SYNPR: variants seen among roughly 807,000 people sequenced by gnomAD.
The protein encoded by SYNPR is synaptoporin.
In SYNPR, 23 loss-of-function variants were observed where a neutral mutation model predicts 32.9. That is an observed-to-expected ratio of 0.70 (90% CI 0.50 to 0.99). The LOEUF is 0.99. Among genes scored for constraint, SYNPR ranks in the 50% least tolerant of loss-of-function variants. SYNPR has a pLI of 0.00. For synonymous variants in SYNPR, 146 were observed against 135.9 expected (o/e 1.07, Z -0.52); for missense variants, 318 against 349.3 (o/e 0.91, Z 0.71).
intron 3 of SYNPR, among the ~76,000 whole-genome samples, chr3:63,521,038 G>C (rs1390501025): frequency 6.6e-6 from 1 of 152,190 alleles, no homozygotes; most frequent in Non-Finnish European, 1.5e-5. Context: ...TAGAAGGAAA[G>C]GGATATGTAG....
chr3:63,273,379 T>C (rs1216479099), upstream of SYNPR, among the ~76,000 whole-genome samples: 4 of 152,170 alleles, frequency 2.6e-5, no homozygotes, highest in African/African-American at 9.7e-5. Context: ...GTAACAGTAG[T>C]ATATACTTAC....
chr3:63,322,298 T>C (rs905729773), intron 2 of SYNPR, among the ~76,000 whole-genome samples: 2 of 152,090 alleles, frequency 1.3e-5, no homozygotes, highest in Non-Finnish European at 2.9e-5. Context: ...CATACACATT[T>C]CAGTGCCACA....
chr3:63,606,417 C>CA (rs765961715), intron 4 of SYNPR, among the ~76,000 whole-genome samples: 1 of 68,300 alleles, frequency 1.5e-5, no homozygotes, highest in Non-Finnish European at 2.9e-5. Context: ...CAAATCCTTT[C>CA]TTTTTTTTTT....
chr3:63,494,203 A>C (rs895298425), intron 3 of SYNPR, among the ~76,000 whole-genome samples: 4 of 151,410 alleles, frequency 2.6e-5, no homozygotes, highest in Admixed American at 6.6e-5. Flanking sequence ...AAAACAAAAA[A>C]CTTGAAAAGA....
In SYNPR at chr3:63,357,319, A is replaced by G. The variant is rs564217394; in HGVS notation, c.84+78577A>G. ...GGAATCTCCATTTGTGCCCTGGAGCATGGCCTTTCTCTCTCTTTTTTTCTC... is the reference window on the plus strand; with the variant it reads ...GGAATCTCCATTTGTGCCCTGGAGCGTGGCCTTTCTCTCTCTTTTTTTCTC... On this transcript the variant is annotated intron_variant, in intron 2 of 5. Coordinates refer to ENST00000478300, the MANE Select transcript of SYNPR (RefSeq NM_001130003.2). Among the ~76,000 whole-genome samples, 37 of 150,206 alleles carry G rather than the reference A, an allele frequency of 2.5e-4. 1 individual carries two copies. The Middle Eastern group carries it at 0.01, about 42-fold the overall frequency.
intron 1 of SYNPR, among the ~76,000 whole-genome samples, chr3:63,245,705 G>A (rs2086280896): frequency 1.6e-5 from 1 of 61,486 alleles, no homozygotes; most frequent in Non-Finnish European, 3.0e-5. Flanking sequence ...GAGAGAGAGA[G>A]AGAGAGTGTG....
At chr3:63,263,195 A>G (rs1172581728) in intron 2 of SYNPR, among the ~76,000 whole-genome samples, 1 of 152,180 alleles carries the variant, frequency 6.6e-6, no homozygotes, top group Non-Finnish European at 1.5e-5. Context: ...AGATGTATCC[A>G]TATTTATAAA....
intron 2 of SYNPR, among the ~76,000 whole-genome samples, chr3:63,468,704 G>T (rs181020439): frequency 6.6e-6 from 1 of 152,188 alleles, no homozygotes; most frequent in South Asian, 2.1e-4. Context: ...GGGAGGCTGA[G>T]GCGTGAGGAT....
chr3:63,289,556 G>C (rs936919005), intron 2 of SYNPR: 7 of 152,458 alleles, frequency 4.6e-5, no homozygotes, highest in African/African-American at 1.7e-4. Context: ...AACTAACAGA[G>C]AGAGAATTCA....
intron 3 of SYNPR, among the ~76,000 whole-genome samples, chr3:63,539,385 T>C (rs1702261747): frequency 6.6e-6 from 1 of 152,132 alleles, no homozygotes; most frequent in Admixed American, 6.6e-5. Flanking sequence ...TGTCCCAAAC[T>C]TGAACCTAAC....
intron 4 of SYNPR, among the ~76,000 whole-genome samples, chr3:63,568,619 T>C (rs950012297): frequency 4.3e-4 from 66 of 152,154 alleles, no homozygotes; most frequent in African/African-American, 1.5e-3. Flanking sequence ...GTTACTAAGC[T>C]AGGTATATGT....
chr3:63,322,319 G>C (rs571859722), intron 2 of SYNPR, among the ~76,000 whole-genome samples: 3 of 152,096 alleles, frequency 2.0e-5, no homozygotes, highest in Admixed American at 1.3e-4. Flanking sequence ...TGTGGACTAG[G>C]TACTGTGCTA....
chr3:63,571,013 G>C (rs1027584711), intron 4 of SYNPR, among the ~76,000 whole-genome samples: 2 of 152,072 alleles, frequency 1.3e-5, no homozygotes, highest in Non-Finnish European at 2.9e-5. Context: ...CAACATCTGG[G>C]TCTATAATAT....
intron 2 of SYNPR, among the ~76,000 whole-genome samples, chr3:63,254,580 AC>A (rs1414099480): frequency 1.3e-5 from 2 of 152,170 alleles, no homozygotes; most frequent in Admixed American, 6.5e-5. Flanking sequence ...AAGGTTTTAG[AC>A]AAGGGTCTTG....
intron 3 of SYNPR, among the ~76,000 whole-genome samples, chr3:63,551,027 G>C (rs1702492223): frequency 6.6e-6 from 1 of 152,066 alleles, no homozygotes; most frequent in African/African-American, 2.4e-5. Context: ...AGCTTTATCG[G>C]GACATAATTC....
chr3:63,246,370 C>T (rs1245081490), intron 1 of SYNPR, among the ~76,000 whole-genome samples: 1 of 152,070 alleles, frequency 6.6e-6, no homozygotes, highest in Admixed American at 6.6e-5. Context: ...ACTCATTCAT[C>T]CCTACATTCA....
intron 4 of SYNPR, among the ~76,000 whole-genome samples, chr3:63,606,417 CTTTTTTTTTTT>C (rs61299069): frequency 2.9e-5 from 2 of 68,300 alleles, no homozygotes; most frequent in East Asian, 8.2e-4. Context: ...CAAATCCTTT[CTTTTTTTTTTT>C]TTTTTTTTTT....
intron 3 of SYNPR, among the ~76,000 whole-genome samples, chr3:63,272,226 T>A (rs994426008): frequency 5.3e-5 from 8 of 152,184 alleles, no homozygotes; most frequent in Non-Finnish European, 8.8e-5. Flanking sequence ...AATTCCTTTT[T>A]GCTAAGTGAT....
At chr3:63,572,480 T>C (rs1702904337) in intron 4 of SYNPR, among the ~76,000 whole-genome samples, 1 of 152,136 alleles carries the variant, frequency 6.6e-6, no homozygotes, top group Non-Finnish European at 1.5e-5. Context: ...AGTCTCTCTA[T>C]CCTCGCTTGC....
Sources: allele counts gnomAD v4.1 joint callset (sites outside exome capture counted in the v4.1 genomes callset), GRCh38; gene constraint gnomAD v4.1.1; transcripts MANE v1.5; gene names NCBI Gene and HGNC (gene_info 2026-07-23, HGNC 2026-07-21).